CLSTN1: variants seen among roughly 807,000 people sequenced by gnomAD.
CLSTN1 encodes calsyntenin 1, also known as calsyntenin-1.
In CLSTN1, 28 loss-of-function variants were observed where a neutral mutation model predicts 108.3. That is an observed-to-expected ratio of 0.26 (90% CI 0.19 to 0.35). The LOEUF is 0.35. Among genes scored for constraint, CLSTN1 ranks in the 10% least tolerant of loss-of-function variants. The pLI is 1.00. For synonymous variants in CLSTN1, 524 were observed against 534.9 expected (o/e 0.98, Z 0.28); for missense variants, 1,157 against 1,302.6 (o/e 0.89, Z 1.72).
Position 9,734,108 on chromosome 1 carries a change from G to A in CLSTN1, c.2145C>T (p.His715=), listed in dbSNP as rs757633315. The A allele has an allele frequency of 1.4e-5, 23 of 1,614,008 alleles. No homozygotes were observed. The highest frequency in any genetic ancestry group is 8.9e-5 in the East Asian group (4 of 44,878). The stretch of plus-strand genomic sequence containing the variant: ...CCGTGACCTCACAGGTATCCAGGTC[G>A]TGCACGATCTCCTCGGACACCAGTG... ...QESLVSEEIV[H]DLDTCEVTVE... Residue 715 remains histidine (H), a synonymous_variant, in exon 15 of 19, where the codon CAC becomes CAT. Transcript: ENST00000377298. The surrounding 1 kb of genome is among the most constrained non-coding windows in gnomAD (Gnocchi z 4.8).
At chr1:9,817,006 A>C (rs1654999958) in intron 1 of CLSTN1, among the ~76,000 whole-genome samples, 1 of 152,180 alleles carries the variant, frequency 6.6e-6, no homozygotes, top group South Asian at 2.1e-4. Flanking sequence ...GGTAGGCTTG[A>C]AAAGTAGCAG....
chr1:9,731,039 GTCTC>G, intron 18 of CLSTN1, 163 bp downstream of exon 18: 3 of 762,808 alleles, frequency 3.9e-6, no homozygotes, highest in South Asian at 3.2e-5. Flanking sequence ...CTTGAATAAG[GTCTC>G]TCTCAGCCTC....
chr1:9,778,926 G>A (rs985120472), intron 1 of CLSTN1, among the ~76,000 whole-genome samples: 6 of 152,078 alleles, frequency 3.9e-5, no homozygotes, highest in Admixed American at 3.9e-4. Context: ...AGGAGGCTGA[G>A]GCAGGAGAAT....
chr1:9,778,151 C>A (rs1039896163), intron 1 of CLSTN1, among the ~76,000 whole-genome samples: 1 of 151,342 alleles, frequency 6.6e-6, no homozygotes, highest in African/African-American at 2.4e-5. Flanking sequence ...CAGTTCATTA[C>A]ATATAAAATG....
rs1570440547 is a variant in CLSTN1 at position 9,741,254 on chromosome 1, G to C, written c.1359C>G (p.Val453=). Residue 453 remains valine, a splice_region_variant and synonymous_variant, in exon 10 of 19, where the codon GTC becomes GTG. Transcript: ENST00000377298. ...CGTAGTGGTGCCATTCCTCATCACA[G>C]ACCTACAGAGGCAAAGGGAAGCGGG... ...PAEFHWKLNQ[V]CDEEWHHYVL... 1 of 1,604,424 alleles carries C rather than the reference G, an allele frequency of 6.2e-7. No homozygotes were observed. Among genetic ancestry groups the C allele is most frequent in the South Asian group, 1.1e-5 (1 of 90,886 alleles).
At chr1:9,731,713 G>A in intron 17 of CLSTN1, 48 bp downstream of exon 17, 1 of 1,606,532 alleles carries the variant, frequency 6.2e-7, no homozygotes, top group Non-Finnish European at 8.5e-7. Flanking sequence ...TGGGGGCAGG[G>A]CGGACGGCAT....
Position 9,823,781 on chromosome 1 carries a change from G to T in CLSTN1, c.-48C>A, listed in dbSNP as rs1441086978. 4 of 868,166 alleles carry T rather than the reference G, an allele frequency of 4.6e-6. No individual in the cohort carries two copies. Among genetic ancestry groups the T allele is most frequent in the Non-Finnish European group, 5.6e-6 (4 of 715,558 alleles). The allele number at this position is 868,166 out of a possible 1,614,324, so 53.8% of individuals were successfully genotyped here. A position where few individuals can be genotyped will look rare whatever the true frequency, so the allele number is the denominator to read the frequency against. On this transcript the variant is annotated 5_prime_UTR_variant, in exon 1 of 19. Transcript: ENST00000377298. This position sits in a 1 kb window ranked among gnomAD's most constrained non-coding sequence, Gnocchi z 6.3. The stretch of plus-strand genomic sequence containing the variant: ...CAGGGAGGCGCGCGGGACGCCGAGC[G>T]GAGCTCTCGGAGCTCTCGGGGCTCT...
intron 2 of CLSTN1, among the ~76,000 whole-genome samples, chr1:9,769,956 G>A (rs1652587195): frequency 6.6e-6 from 1 of 151,872 alleles, no homozygotes; most frequent in African/African-American, 2.4e-5. Flanking sequence ...CGTGAACCCG[G>A]GAGGCAGAGC....
intron 1 of CLSTN1, among the ~76,000 whole-genome samples, chr1:9,777,958 G>C (rs1213355448): frequency 6.6e-6 from 1 of 152,078 alleles, no homozygotes; most frequent in African/African-American, 2.4e-5. Flanking sequence ...CTGTCCCTCT[G>C]TTCCAACACC....
Position 9,749,471 on chromosome 1 carries a change from G to C in CLSTN1, c.975C>G (p.His325Gln), listed in dbSNP as rs771364918. Residue 325 changes from histidine to glutamine, a missense_variant, in exon 7 of 19, where the codon CAC (histidine) becomes CAG (glutamine). His to Gln is a conservative substitution (Grantham distance 24). Coordinates refer to ENST00000377298, the MANE Select transcript of CLSTN1 (RefSeq NM_001009566.3). Reference protein sequence around the residue: ...DRDTYSEKSLHRLCGAAAGTA... With the variant: ...DRDTYSEKSLQRLCGAAAGTA... ...GCCTGGTCTCCTTACCACAGAGCCG[G>C]TGGAGGGACTTCTCTGAGTAGGTGT... 6.2e-7 allele frequency: 1 copy of C among 1,611,390 alleles called. No homozygotes were observed. Among genetic ancestry groups the C allele is most frequent in the Non-Finnish European group, 8.5e-7 (1 of 1,179,298 alleles).
chr1:9,813,947 A>G (rs1243432988), intron 1 of CLSTN1, among the ~76,000 whole-genome samples: 1 of 151,676 alleles, frequency 6.6e-6, no homozygotes, highest in Non-Finnish European at 1.5e-5. Flanking sequence ...AAAATACAAA[A>G]AAAAATTAGC....
intron 2 of CLSTN1, among the ~76,000 whole-genome samples, chr1:9,770,694 A>T (rs901357892): frequency 6.6e-6 from 1 of 152,248 alleles, no homozygotes; most frequent in Non-Finnish European, 1.5e-5. Context: ...TGCATGCTTT[A>T]TAAGTGCATG....
intron 16 of CLSTN1, among the ~76,000 whole-genome samples, chr1:9,732,796 CCT>C (rs1650477824): frequency 6.6e-6 from 1 of 152,224 alleles, no homozygotes; most frequent in African/African-American, 2.4e-5. Flanking sequence ...TGCGTGAGCC[CCT>C]CTCAACCTGG....
intron 2 of CLSTN1, among the ~76,000 whole-genome samples, chr1:9,760,007 CAG>C (rs1218560705): frequency 1.3e-5 from 2 of 152,166 alleles, no homozygotes; most frequent in East Asian, 3.8e-4. Flanking sequence ...ACATTAATGA[CAG>C]TGACTGTGGT....
chr1:9,749,144 T>C (rs1220923456), intron 7 of CLSTN1, among the ~76,000 whole-genome samples: 2 of 152,128 alleles, frequency 1.3e-5, no homozygotes, highest in African/African-American at 4.8e-5. Flanking sequence ...GCTCAAGTGA[T>C]CTTCCCACCT....
Position 9,734,568 on chromosome 1 carries a change from C to A in CLSTN1, c.2110+380G>T, listed in dbSNP as rs1391487488. On this transcript the variant is annotated intron_variant, in intron 14 of 18. Transcript: ENST00000377298. The surrounding 1 kb of genome is among the most constrained non-coding windows in gnomAD (Gnocchi z 4.8). ...CCAGCCTGGGCGACAGAGTGAGACT[C>A]CATCTCAAAAAAAAAAAAAAAGGGG... 6.0e-5 allele frequency among the ~76,000 whole-genome samples: 9 copies of A among 149,008 alleles called. No individual in the cohort carries two copies. The highest frequency in any genetic ancestry group is 5.3e-4 in the Admixed American group (8 of 15,016).
At chr1:9,820,477 C>T (rs1210327724) in intron 1 of CLSTN1, among the ~76,000 whole-genome samples, 1 of 152,056 alleles carries the variant, frequency 6.6e-6, no homozygotes, top group Non-Finnish European at 1.5e-5. Flanking sequence ...CAAGATCGCG[C>T]CATTGCACTC....
At position 9,730,522 on chromosome 1, in the gene CLSTN1, T is replaced by C; in HGVS notation, c.2932A>G (p.Thr978Ala). ...GGGGGCACGGGTCAGTAGCTGAGGG[T>C]GGAGTCATCCCACTCCAGCTGCTGC... ...RQQQLEWDDS[T>A]LSY The change falls in exon 19 of 19, where the codon ACC (threonine) becomes GCC (alanine). Residue 978 changes from threonine to alanine, a missense_variant. Coordinates refer to ENST00000377298, the MANE Select transcript of CLSTN1 (RefSeq NM_001009566.3). The surrounding 1 kb of genome is among the most constrained non-coding windows in gnomAD (Gnocchi z 5.6). 1.2e-6 allele frequency: 2 copies of C among 1,604,108 alleles called. No individual in the cohort carries two copies. The highest frequency in any genetic ancestry group is 1.7e-6 in the Non-Finnish European group (2 of 1,179,814).
At chr1:9,821,876 A>G (rs1408743568) in intron 1 of CLSTN1, among the ~76,000 whole-genome samples, 1 of 152,024 alleles carries the variant, frequency 6.6e-6, no homozygotes, top group Non-Finnish European at 1.5e-5. Context: ...AGAAAAACTT[A>G]GAGAAAGCAA....
Sources: allele counts gnomAD v4.1 joint callset (sites outside exome capture counted in the v4.1 genomes callset), GRCh38; gene constraint gnomAD v4.1.1; non-coding constraint Gnocchi (gnomAD v3.1); transcripts MANE v1.5; gene names NCBI Gene and HGNC (gene_info 2026-07-23, HGNC 2026-07-21).